The following ATG7 variants were observed in gnomAD, a reference collection of about 807,000 sequenced individuals.
ATG7 encodes the protein autophagy related 7, also known as ubiquitin-like modifier-activating enzyme ATG7.
ATG7 carries 70 observed loss-of-function variants against 82.4 expected under a neutral mutation model. That is an observed-to-expected ratio of 0.85 (90% CI 0.70 to 1.04). The LOEUF is 1.04. Among genes scored for constraint, ATG7 ranks in the 50% least tolerant of loss-of-function variants. The pLI is 0.00. For missense variants in ATG7, 792 were observed against 864.3 expected, an observed-to-expected ratio of 0.92 and a Z score of 1.05; for synonymous variants, 287 against 313.0, an observed-to-expected ratio of 0.92 and a Z score of 0.88.
chr3:11,544,804 A>T (rs1348659297), intron 20 of ATG7, among the ~76,000 whole-genome samples: 1 of 152,190 alleles, frequency 6.6e-6, no homozygotes, highest in Non-Finnish European at 1.5e-5. Context: ...GTTCTGAATC[A>T]TTGTTCCTGC....
chr3:11,461,991 G>A (rs1291625382), intron 20 of ATG7, among the ~76,000 whole-genome samples: 5 of 151,624 alleles, frequency 3.3e-5, no homozygotes, highest in African/African-American at 7.3e-5. Flanking sequence ...AGATCATGCC[G>A]CTGCACTCCA....
At chr3:11,568,673 G>C in the ATG7 span, 2 of 1,555,542 alleles carry the variant, frequency 1.3e-6, no homozygotes, top group Middle Eastern at 1.7e-4. This position sits in a 1 kb window ranked among gnomAD's most constrained non-coding sequence, Gnocchi z 5.9. Context: ...CCGCTCGCCC[G>C]GATGAATCAC....
chr3:11,393,744 G>A (rs943815432), intron 19 of ATG7, among the ~76,000 whole-genome samples: 4 of 151,878 alleles, frequency 2.6e-5, no homozygotes, highest in African/African-American at 4.8e-5. Flanking sequence ...GCAGAGGTGC[G>A]ATCTTGGCTC....
chr3:11,398,246 T>C (rs902309121), intron 19 of ATG7, among the ~76,000 whole-genome samples: 1 of 152,124 alleles, frequency 6.6e-6, no homozygotes, highest in Non-Finnish European at 1.5e-5. Context: ...TATAGAATAC[T>C]GCACCTAATT....
At chr3:11,428,124 T>G (rs994894676) in intron 20 of ATG7, among the ~76,000 whole-genome samples, 1 of 152,154 alleles carries the variant, frequency 6.6e-6, no homozygotes, top group Non-Finnish European at 1.5e-5. Flanking sequence ...TAAAGAGAAA[T>G]ATATAAATTA....
chr3:11,561,435 A>G (rs867701825), downstream of ATG7, among the ~76,000 whole-genome samples: 1 of 152,120 alleles, frequency 6.6e-6, no homozygotes, highest in South Asian at 2.1e-4. Flanking sequence ...TTAACCGGTC[A>G]CCTGCAGATG....
chr3:11,562,559 C>T (rs533566443), downstream of ATG7, among the ~76,000 whole-genome samples: 1 of 152,354 alleles, frequency 6.6e-6, no homozygotes, highest in East Asian at 1.9e-4. Context: ...GAAGAGACCT[C>T]GGAGCTGCTG....
At chr3:11,403,852 G>T (rs1370390494) in intron 19 of ATG7, among the ~76,000 whole-genome samples, 1 of 152,154 alleles carries the variant, frequency 6.6e-6, no homozygotes, top group Non-Finnish European at 1.5e-5. Context: ...GCAGAAACAC[G>T]CTGGATTTCC....
At chr3:11,542,763 C>T (rs1345057633) in intron 20 of ATG7, among the ~76,000 whole-genome samples, 2 of 152,220 alleles carry the variant, frequency 1.3e-5, no homozygotes, top group African/African-American at 4.8e-5. Context: ...GTCTCTGTTT[C>T]CAGCCTGGGC....
chr3:11,373,490 G>A lies in ATG7; in HGVS notation c.1876-6482G>A, dbSNP rs564076224. Among the ~76,000 whole-genome samples the A allele has an allele frequency of 1.2e-4, 18 of 152,334 alleles. No individual in the cohort carries two copies. In the South Asian group the frequency reaches 3.5e-3, roughly 30 times the overall value. ...CTGATGGGAACCACCTGGAGCTCTT[G>A]TTAAACCTGCAGATTCTCAGGCCTT... On this transcript the variant is annotated intron_variant, in intron 18 of 20. Transcript: ENST00000693202.
the ATG7 span, among the ~76,000 whole-genome samples, chr3:11,563,641 G>A: frequency 6.6e-6 from 1 of 152,172 alleles, no homozygotes; most frequent in Non-Finnish European, 1.5e-5. Context: ...CTTGGCCTCG[G>A]GTTCCATCAG....
In ATG7 at chr3:11,313,517, G is replaced by A. The variant is rs188592631; in HGVS notation, c.528+97G>A. On this transcript the variant is annotated intron_variant, in intron 8 of 20. Coordinates refer to ENST00000693202, the MANE Select transcript of ATG7 (RefSeq NM_001349232.2). ...AAGACAAACAGGCACTTCTCTGGAT[G>A]AAGACGTGGTAACTGAAATCCTCCA... 3.0e-5 allele frequency: 24 copies of A among 807,652 alleles called. No individual in the cohort carries two copies. In the East Asian group the frequency reaches 6.4e-4, roughly 21 times the overall value. The allele number at this position is 807,652 out of a possible 1,614,324, so 50.0% of individuals were successfully genotyped here.
chr3:11,452,252 G>A (rs1021523646), intron 20 of ATG7, among the ~76,000 whole-genome samples: 3 of 151,732 alleles, frequency 2.0e-5, no homozygotes, highest in African/African-American at 7.3e-5. Context: ...GGGCATGGTG[G>A]CACATGCCTG....
intron 18 of ATG7, among the ~76,000 whole-genome samples, chr3:11,376,812 C>T: frequency 6.6e-6 from 1 of 152,190 alleles, no homozygotes; most frequent in East Asian, 1.9e-4. Context: ...CATCTCGGCT[C>T]ACTGCAAGCT....
chr3:11,329,712 C>A (rs1299630606), intron 9 of ATG7, among the ~76,000 whole-genome samples: 1 of 152,168 alleles, frequency 6.6e-6, no homozygotes, highest in Non-Finnish European at 1.5e-5. Flanking sequence ...ACAGAGAATT[C>A]CCATGTACCT....
At chr3:11,358,642 A>G in intron 15 of ATG7, 30 bp downstream of exon 15, 1 of 1,601,018 alleles carries the variant, frequency 6.2e-7, no homozygotes. Flanking sequence ...ATGATTTATG[A>G]TTTAATGCAC....
chr3:11,573,997 A>C, the ATG7 span, among the ~76,000 whole-genome samples: 1 of 152,234 alleles, frequency 6.6e-6, no homozygotes, highest in African/African-American at 2.4e-5. Context: ...GAAGACCGTC[A>C]TCAACAAGCC....
intron 20 of ATG7, among the ~76,000 whole-genome samples, chr3:11,452,818 C>G (rs1397880042): frequency 6.6e-6 from 1 of 152,098 alleles, no homozygotes; most frequent in Non-Finnish European, 1.5e-5. Context: ...AGTGTTAAGA[C>G]CTATTCTTTT....
intron 20 of ATG7, among the ~76,000 whole-genome samples, chr3:11,442,127 C>T (rs997962892): frequency 6.6e-6 from 1 of 152,146 alleles, no homozygotes; most frequent in African/African-American, 2.4e-5. Context: ...CAACGGTAAC[C>T]TGTGGAAATA....
Sources: allele counts gnomAD v4.1 joint callset (sites outside exome capture counted in the v4.1 genomes callset), GRCh38; gene constraint gnomAD v4.1.1; non-coding constraint Gnocchi (gnomAD v3.1); transcripts MANE v1.5; gene names NCBI Gene and HGNC (gene_info 2026-07-23, HGNC 2026-07-21).